Variants in UBE2G2 observed in about 807,000 individuals in gnomAD.
The protein encoded by UBE2G2 is ubiquitin-conjugating enzyme E2 G2.
Under a neutral mutation model 23.0 loss-of-function variants are expected in UBE2G2, and 10 were observed. The observed-to-expected ratio is 0.43, with a 90% CI of 0.27 to 0.74. UBE2G2 has a LOEUF of 0.74. Ranked by LOEUF, UBE2G2 falls within the 30% of genes least tolerant of loss-of-function variation. UBE2G2 has a pLI of 0.19. For missense variants in UBE2G2, 150 were observed against 218.3 expected (o/e 0.69, Z 1.97); for synonymous variants, 86 against 81.3 (o/e 1.06, Z -0.31).
At chr21:44,788,181 GC>G in intron 1 of UBE2G2, 86 bp from the exon 2 acceptor site, 1 of 1,302,076 alleles carries the variant, frequency 7.7e-7, no homozygotes, top group Non-Finnish European at 1.1e-6. Flanking sequence ...AAATATATAA[GC>G]CTATAAACCA....
intron 1 of UBE2G2, 136 bp downstream of exon 1, chr21:44,801,570 G>A (rs2083138283): frequency 8.0e-7 from 1 of 1,256,110 alleles, no homozygotes; most frequent in Non-Finnish European, 1.0e-6. Context: ...CACTCCGCGG[G>A]ACCCACAGGG....
intron 3 of UBE2G2, among the ~76,000 whole-genome samples, chr21:44,780,803 G>C (rs1371725718): frequency 6.6e-6 from 1 of 152,240 alleles, no homozygotes; most frequent in African/African-American, 2.4e-5. Context: ...ATATGCCAGT[G>C]AAAAGCGAAG....
At chr21:44,795,460 T>C (rs191362071) in intron 1 of UBE2G2, among the ~76,000 whole-genome samples, 4 of 151,812 alleles carry the variant, frequency 2.6e-5, no homozygotes, top group Admixed American at 2.6e-4. Flanking sequence ...GGCGAAACCC[T>C]ATCTCTACTA....
chr21:44,784,464 T>C (rs1175290432), intron 3 of UBE2G2, among the ~76,000 whole-genome samples: 1 of 152,218 alleles, frequency 6.6e-6, no homozygotes, highest in Non-Finnish European at 1.5e-5. Context: ...ATAGGGATCT[T>C]TGTGACACTT....
intron 3 of UBE2G2, among the ~76,000 whole-genome samples, chr21:44,781,414 C>T (rs2082955212): frequency 6.6e-6 from 1 of 152,182 alleles, no homozygotes; most frequent in Non-Finnish European, 1.5e-5. Context: ...ATGTTCCCAC[C>T]CCACTAATGC....
chr21:44,788,279 G>GTTTTTTT (rs1204675481), intron 1 of UBE2G2, among the ~76,000 whole-genome samples, 184 bp from the exon 2 acceptor site: 4 of 121,722 alleles, frequency 3.3e-5, no homozygotes, highest in Non-Finnish European at 1.9e-5. Context: ...ACTACACAAA[G>GTTTTTTT]TTTTTTTGTT....
intron 3 of UBE2G2, chr21:44,785,525 T>G (rs573574714): frequency 6.6e-6 from 1 of 152,342 alleles, no homozygotes; most frequent in Admixed American, 6.5e-5. Flanking sequence ...TTTTCTTCAC[T>G]GGCCCTTAAG....
Position 44,801,695 on chromosome 21 carries a change from C to T in UBE2G2, c.43+11G>A, listed in dbSNP as rs2083140132. On this transcript the variant is annotated intron_variant, in intron 1 of 5. Transcript: ENST00000345496. The stretch of plus-strand genomic sequence containing the variant: ...CGGGACGCTGCTGACGGCCCGGGTC[C>T]CCAGACTCACGTTTGTACTCGGCCA... The T allele has an allele frequency of 6.6e-7, 1 of 1,514,056 alleles. No individual in the cohort carries two copies. The highest frequency in any genetic ancestry group is 8.8e-7 in the Non-Finnish European group (1 of 1,133,006). 93.8% of individuals were successfully genotyped at this position (1,514,056 alleles called of 1,614,324 possible).
rs181018883 is a variant in UBE2G2 at position 44,786,789 on chromosome 21, C to A, written c.125+1131G>T. 3.9e-5 allele frequency among the ~76,000 whole-genome samples: 6 copies of A among 152,280 alleles called. No homozygotes were observed. In the East Asian group the frequency reaches 1.2e-3, roughly 30 times the overall value. On this transcript the variant is annotated intron_variant, in intron 3 of 5. Transcript: ENST00000345496. ...CCTTGCTGCAAATTAAAAGACCTCACTAATGAGATAACAAAGACTGGGCTT... is the reference window on the plus strand; with the variant it reads ...CCTTGCTGCAAATTAAAAGACCTCAATAATGAGATAACAAAGACTGGGCTT...
chr21:44,784,987 A>G (rs528911127), intron 3 of UBE2G2, among the ~76,000 whole-genome samples: 1 of 152,138 alleles, frequency 6.6e-6, no homozygotes, highest in Non-Finnish European at 1.5e-5. Flanking sequence ...TCTGTCCCAC[A>G]TAAGTGCATC....
intron 3 of UBE2G2, among the ~76,000 whole-genome samples, chr21:44,787,356 T>TA (rs2083004258): frequency 6.6e-6 from 1 of 152,162 alleles, no homozygotes; most frequent in Non-Finnish European, 1.5e-5. Context: ...ACTGCTCACT[T>TA]ACTAAGCCAT....
chr21:44,778,426 C>T (rs1458089408), intron 3 of UBE2G2, among the ~76,000 whole-genome samples: 1 of 152,236 alleles, frequency 6.6e-6, no homozygotes, highest in East Asian at 1.9e-4. Flanking sequence ...CTATACTTTC[C>T]TCACGTGTAA....
chr21:44,774,578 C>G (rs2082899339), intron 4 of UBE2G2: 1 of 290,590 alleles, frequency 3.4e-6, no homozygotes, highest in Non-Finnish European at 7.0e-6. Context: ...TTCAAACAGT[C>G]TTGTCTTTCA....
chr21:44,801,173 T>C (rs1257780577), intron 1 of UBE2G2: 1 of 244,326 alleles, frequency 4.1e-6, no homozygotes, highest in East Asian at 1.8e-4. Flanking sequence ...ATATCTAATT[T>C]ACCGGGTAGG....
intron 3 of UBE2G2, among the ~76,000 whole-genome samples, chr21:44,786,542 A>G (rs782589576): frequency 1.2e-4 from 19 of 152,250 alleles, no homozygotes; most frequent in South Asian, 2.1e-4. Context: ...ACTAATTTTC[A>G]TATCAATTTA....
intron 4 of UBE2G2, among the ~76,000 whole-genome samples, chr21:44,775,903 T>C (rs970763765): frequency 6.6e-6 from 1 of 152,338 alleles, no homozygotes; most frequent in Non-Finnish European, 1.5e-5. Context: ...CTCAGGCGCA[T>C]GGCCAGTCTC....
At position 44,769,581 on chromosome 21, in the gene UBE2G2, T is replaced by C. The variant is rs2082856426; in HGVS notation, c.*1796A>G. The C allele has an allele frequency of 6.6e-6, 1 of 152,150 alleles. No homozygotes were observed. Among genetic ancestry groups the C allele is most frequent in the South Asian group, 2.1e-4 (1 of 4,830 alleles). 9.4% of individuals were successfully genotyped at this position (152,150 alleles called of 1,614,324 possible). ...ATTTTTAGTGGAGACAGGGTTTCAC[T>C]GTTAGCCAGGATGGTCGCGATCTCC... On this transcript the variant is annotated 3_prime_UTR_variant, in exon 6 of 6. Transcript: ENST00000345496.
intron 3 of UBE2G2, 78 bp from the exon 4 acceptor site, chr21:44,777,495 A>G (rs2082922022): frequency 1.4e-6 from 2 of 1,454,420 alleles, no homozygotes; most frequent in South Asian, 2.3e-5. Flanking sequence ...ATGGGTTAAG[A>G]ACATTTTTAC....
chr21:44,789,128 T>C (rs556340528), intron 1 of UBE2G2: 1 of 152,188 alleles, frequency 6.6e-6, no homozygotes, highest in Admixed American at 6.5e-5. Context: ...CTCACGCCTG[T>C]AATCCCAGCA....
Sources: gnomAD v4.1 joint callset for allele counts (sites outside exome capture counted in the v4.1 genomes callset) on GRCh38, gnomAD v4.1.1 for gene constraint, MANE v1.5 for transcripts, NCBI Gene and HGNC (gene_info 2026-07-23, HGNC 2026-07-21) for gene names.